The following PDE1C variants were observed in gnomAD, a reference collection of about 807,000 sequenced individuals.
PDE1C encodes the protein dual specificity calcium/calmodulin-dependent 3',5'-cyclic nucleotide phosphodiesterase 1C.
PDE1C carries 62 observed loss-of-function variants against 93.1 expected under a neutral mutation model. The ratio of observed to expected loss-of-function variants is 0.67; its 90% confidence interval spans 0.54 to 0.82. The LOEUF (loss-of-function observed/expected upper bound fraction) is 0.82. Ranked by LOEUF, PDE1C falls within the 40% of genes least tolerant of loss-of-function variation. The probability of loss-of-function intolerance (pLI) is 0.00; values close to 1 mark genes in which losing one functional copy is unlikely to be tolerated. For missense variants in PDE1C, 742 were observed against 884.6 expected, an observed-to-expected ratio of 0.84 and a Z score of 2.04; for synonymous variants, 325 against 310.1, an observed-to-expected ratio of 1.05 and a Z score of -0.50.
intron 1 of PDE1C, among the ~76,000 whole-genome samples, chr7:32,314,077 A>T (rs1005561538): frequency 1.2e-4 from 18 of 152,018 alleles, no homozygotes; most frequent in East Asian, 3.9e-4. Flanking sequence ...AATAAATAAA[A>T]TAAATAAAGT....
At chr7:31,934,152 T>C (rs1396716492) in intron 2 of PDE1C, among the ~76,000 whole-genome samples, 1 of 152,168 alleles carries the variant, frequency 6.6e-6, no homozygotes, top group Non-Finnish European at 1.5e-5. Context: ...CCTTGTACCT[T>C]CTGGTGGCCA....
intron 2 of PDE1C, chr7:31,941,451 G>A (rs1212309251): frequency 1.3e-5 from 2 of 157,820 alleles, no homozygotes; most frequent in Non-Finnish European, 2.9e-5. Flanking sequence ...AGTCTAGAAA[G>A]GGAACCTACC....
At chr7:31,920,707 G>A (rs919128778) in intron 2 of PDE1C, among the ~76,000 whole-genome samples, 5 of 152,098 alleles carry the variant, frequency 3.3e-5, no homozygotes, top group African/African-American at 1.2e-4. Flanking sequence ...TTTCCCAATT[G>A]TATACTCCCC....
At chr7:32,059,747 C>G (rs767520141) in intron 1 of PDE1C, among the ~76,000 whole-genome samples, 2 of 152,096 alleles carry the variant, frequency 1.3e-5, no homozygotes, top group African/African-American at 4.8e-5. Context: ...GCCTTTTGCT[C>G]AAAGCTGGGC....
intron 3 of PDE1C, among the ~76,000 whole-genome samples, chr7:32,120,176 G>A (rs1799218140): frequency 6.6e-6 from 1 of 152,182 alleles, no homozygotes. Flanking sequence ...TCCTCACGGG[G>A]CAGGGCCTCC....
rs543169102 is a variant in PDE1C at position 31,985,278 on chromosome 7, A to AT, written c.128+66275dup. Reference sequence around the variant, plus strand: ...CTATAAAAGCACTAAAGGGGTCTACATTTTTTTAAATAGTAGGGCTATTTA... The same window carrying AT: ...CTATAAAAGCACTAAAGGGGTCTACATTTTTTTTAAATAGTAGGGCTATTTA... On this transcript the variant is annotated intron_variant, in intron 2 of 17. Transcript: ENST00000396191. Among the ~76,000 whole-genome samples the AT allele has an allele frequency of 1.2e-3, 178 of 152,236 alleles. 1 individual carries two copies. The highest frequency in any genetic ancestry group is 2.2e-3 in the Non-Finnish European group (148 of 68,018).
intron 2 of PDE1C, among the ~76,000 whole-genome samples, chr7:31,944,904 T>C (rs1806398778): frequency 6.6e-6 from 1 of 152,190 alleles, no homozygotes; most frequent in Non-Finnish European, 1.5e-5. Context: ...AATTTTAGAA[T>C]AATTTTAGAT....
chr7:32,237,742 G>GTATATATATATA (rs372356671), intron 1 of PDE1C, among the ~76,000 whole-genome samples: 45 of 31,216 alleles, frequency 1.4e-3, no homozygotes, highest in Middle Eastern at 0.026. Context: ...TTGGCTCTGT[G>GTATATATATATA]TATATATATA....
chr7:31,798,786 C>T (rs1241174207), intron 16 of PDE1C, among the ~76,000 whole-genome samples: 1 of 151,714 alleles, frequency 6.6e-6, no homozygotes, highest in Non-Finnish European at 1.5e-5. Context: ...TGCTATGGCT[C>T]TGCATGGACC....
chr7:31,720,073 G>T, the PDE1C span, among the ~76,000 whole-genome samples: 2 of 145,296 alleles, frequency 1.4e-5, no homozygotes, highest in Non-Finnish European at 3.0e-5. Context: ...TGAGGCAGGA[G>T]AATGGCGTGA....
the PDE1C span, chr7:31,642,057 C>A: frequency 1.8e-6 from 1 of 546,402 alleles, no homozygotes; most frequent in South Asian, 3.7e-5. Flanking sequence ...GTTTTTTCTT[C>A]CACACAGTGG....
intron 1 of PDE1C, among the ~76,000 whole-genome samples, chr7:32,212,168 C>T (rs997339923): frequency 3.9e-5 from 6 of 152,070 alleles, no homozygotes; most frequent in Admixed American, 3.9e-4. Context: ...AGAACACAGG[C>T]AACCACCTAA....
intron 2 of PDE1C, among the ~76,000 whole-genome samples, chr7:31,882,407 G>C (rs765946830): frequency 2.0e-5 from 3 of 152,074 alleles, no homozygotes; most frequent in Non-Finnish European, 2.9e-5. Flanking sequence ...GCCAAAGAAT[G>C]GGGAGACAGC....
chr7:32,101,925 T>C (rs1024195362), intron 3 of PDE1C, among the ~76,000 whole-genome samples: 1 of 151,930 alleles, frequency 6.6e-6, no homozygotes, highest in African/African-American at 2.4e-5. Context: ...CACATGGCAA[T>C]AGAGTGAGTG....
At chr7:32,022,558 C>T (rs934571631) in intron 2 of PDE1C, among the ~76,000 whole-genome samples, 4 of 151,908 alleles carry the variant, frequency 2.6e-5, no homozygotes, top group African/African-American at 9.7e-5. Flanking sequence ...AAGGTGGTAT[C>T]GGGCCCCTTT....
chr7:31,933,003 G>A (rs1364559430), intron 2 of PDE1C, among the ~76,000 whole-genome samples: 1 of 152,074 alleles, frequency 6.6e-6, no homozygotes, highest in Non-Finnish European at 1.5e-5. Flanking sequence ...CTCATAAGTG[G>A]GAGTTGAATA....
intron 1 of PDE1C, among the ~76,000 whole-genome samples, chr7:32,224,582 G>T (rs1807116195): frequency 6.6e-6 from 1 of 152,184 alleles, no homozygotes; most frequent in Non-Finnish European, 1.5e-5. Context: ...CTCAGTAAGA[G>T]GTAGATGGTG....
At chr7:31,779,862 T>G (rs1783272143) in intron 16 of PDE1C, among the ~76,000 whole-genome samples, 1 of 152,190 alleles carries the variant, frequency 6.6e-6, no homozygotes, top group Admixed American at 6.5e-5. Flanking sequence ...AGTTTCATTT[T>G]CTAAAGCCCT....
intron 2 of PDE1C, among the ~76,000 whole-genome samples, chr7:31,980,395 A>G (rs1179346185): frequency 6.6e-6 from 1 of 152,186 alleles, no homozygotes; most frequent in African/African-American, 2.4e-5. Flanking sequence ...TGTGGTGACT[A>G]ATTTTGATAA....
Sources: allele counts gnomAD v4.1 joint callset (sites outside exome capture counted in the v4.1 genomes callset), GRCh38; gene constraint gnomAD v4.1.1; transcripts MANE v1.5; gene names NCBI Gene and HGNC (gene_info 2026-07-23, HGNC 2026-07-21).